Variants in EDARADD observed in about 807,000 individuals in gnomAD.
EDARADD encodes the protein ectodysplasin-A receptor-associated adapter protein.
In EDARADD, 20 loss-of-function variants were observed where a neutral mutation model predicts 25.6. The ratio of observed to expected loss-of-function variants is 0.78; its 90% CI spans 0.55 to 1.14. The LOEUF (loss-of-function observed/expected upper bound fraction) is 1.14, where lower values mean the gene tolerates loss of function less well. Among genes scored for constraint, EDARADD ranks in the 50% most tolerant of loss-of-function variants. EDARADD has a pLI of 0.00. For synonymous variants in EDARADD, 86 were observed against 94.4 expected, an observed-to-expected ratio of 0.91 and a Z score of 0.52; for missense variants, 225 against 270.1, an observed-to-expected ratio of 0.83 and a Z score of 1.17.
chr1:236,455,921 C>G (rs1658848308), intron 4 of EDARADD, among the ~76,000 whole-genome samples: 1 of 152,136 alleles, frequency 6.6e-6, no homozygotes, highest in Non-Finnish European at 1.5e-5. Flanking sequence ...TCCTGAATAG[C>G]TGGGACTACA....
intron 1 of EDARADD, among the ~76,000 whole-genome samples, chr1:236,403,581 C>T (rs917566433): frequency 2.1e-4 from 32 of 152,218 alleles, no homozygotes; most frequent in Non-Finnish European, 2.9e-5. Flanking sequence ...GCCACCACGC[C>T]CAGCCTAGAG....
intron 4 of EDARADD, among the ~76,000 whole-genome samples, chr1:236,439,538 G>A (rs1251388416): frequency 6.6e-6 from 1 of 152,184 alleles, no homozygotes; most frequent in Admixed American, 6.5e-5. Context: ...CTGGATTTTA[G>A]CTATTGTAAT....
chr1:236,404,653 A>G (rs1229632508), intron 1 of EDARADD, among the ~76,000 whole-genome samples: 1 of 152,156 alleles, frequency 6.6e-6, no homozygotes, highest in African/African-American at 2.4e-5. Context: ...TCCCCCATAC[A>G]TTAGCTGGGC....
At chr1:236,413,099 G>A (rs1361525893) in intron 2 of EDARADD, among the ~76,000 whole-genome samples, 1 of 152,142 alleles carries the variant, frequency 6.6e-6, no homozygotes, top group Admixed American at 6.5e-5. Flanking sequence ...TCTGATCTCA[G>A]GTGATCTGCC....
At chr1:236,407,720 C>G (rs1360340260) in intron 1 of EDARADD, among the ~76,000 whole-genome samples, 1 of 152,106 alleles carries the variant, frequency 6.6e-6, no homozygotes, top group Non-Finnish European at 1.5e-5. Flanking sequence ...GGATCCCACG[C>G]AAAAAGATTT....
chr1:236,397,290 G>A (rs1667534173), intron 1 of EDARADD, among the ~76,000 whole-genome samples: 1 of 152,008 alleles, frequency 6.6e-6, no homozygotes, highest in African/African-American at 2.4e-5. Context: ...CATACCTATA[G>A]TCCCAGCTAC....
chr1:236,356,044 C>T (rs1477457560), intron 3 of EDARADD, among the ~76,000 whole-genome samples: 2 of 152,282 alleles, frequency 1.3e-5, no homozygotes, highest in East Asian at 3.9e-4. Context: ...TGTCTGCCTG[C>T]AGCATCTTAT....
intron 3 of EDARADD, 27 bp from the exon 4 acceptor site, chr1:236,427,365 T>C: frequency 6.2e-7 from 1 of 1,604,082 alleles, no homozygotes; most frequent in Non-Finnish European, 8.5e-7. Context: ...CTTTGTTTCT[T>C]TCTTTCTTTC....
At chr1:236,384,530 C>T (rs879829360) in intron 3 of EDARADD, among the ~76,000 whole-genome samples, 2 of 152,182 alleles carry the variant, frequency 1.3e-5, no homozygotes, top group African/African-American at 4.8e-5. Flanking sequence ...AGCCTGACTA[C>T]AGGTGCATGC....
intron 2 of EDARADD, among the ~76,000 whole-genome samples, chr1:236,412,019 A>G (rs1657500499): frequency 2.6e-5 from 4 of 152,180 alleles, no homozygotes; most frequent in Admixed American, 1.3e-4. Context: ...TTCAACCCAC[A>G]GTATTCCCGC....
intron 3 of EDARADD, among the ~76,000 whole-genome samples, chr1:236,422,530 T>C (rs653545): frequency 0.57 from 86,368 of 152,074 alleles, 26,944 homozygotes; most frequent in Non-Finnish European, 0.7. Flanking sequence ...TGCCTGAAGT[T>C]TGGCCAGTTT....
Position 236,464,423 on chromosome 1 carries a change from CTTTTTTTTTTT to C in EDARADD, c.220-3791_220-3781del, listed in dbSNP as rs35064410. On this transcript the variant is annotated intron_variant, in intron 4 of 5. Transcript: ENST00000334232. ...CCACCATGCGTGGTCCTTGCTGCAA[CTTTTTTTTTTT>C]TTTTTTTTTTTTTTTTGAGACAGAA... is the stretch of plus-strand genomic sequence containing the variant. Among the ~76,000 whole-genome samples, 24 of 72,982 alleles carry C rather than the reference CTTTTTTTTTTT, an allele frequency of 3.3e-4. 1 individual carries two copies. The highest frequency in any genetic ancestry group is 7.1e-4 in the African/African-American group (15 of 21,122). The allele number at this position is 72,982 out of a possible 152,430, so 47.9% of individuals were successfully genotyped here.
chr1:236,434,534 C>T (rs951718756), intron 4 of EDARADD, among the ~76,000 whole-genome samples: 1 of 152,190 alleles, frequency 6.6e-6, no homozygotes, highest in Non-Finnish European at 1.5e-5. Context: ...GCCACTGTGC[C>T]TGGCCTTTTT....
At position 236,423,686 on chromosome 1, in the gene EDARADD, G is replaced by T. The variant is rs79764203; in HGVS notation, c.161-3706G>T. 7.3e-3 allele frequency among the ~76,000 whole-genome samples: 1,112 copies of T among 152,292 alleles called. 16 individuals carry two copies. The highest frequency in any genetic ancestry group is 0.026 in the African/African-American group (1,064 of 41,554). ...AGACTATTGAGATAGTCACTGAACA[G>T]AACATATTAGGCAAATCTGTAATAG... On this transcript the variant is annotated intron_variant, in intron 3 of 5. Transcript: ENST00000334232.
At position 236,403,578 on chromosome 1, in the gene EDARADD, C is replaced by T. The variant is rs1367171193; in HGVS notation, c.62-5638C>T. On this transcript the variant is annotated intron_variant, in intron 1 of 5. Transcript: ENST00000334232. ...CTGGGATTACAGGTGTGAGCCACCA[C>T]GCCCAGCCTAGAGCTTTGAAAGTTT... Among the ~76,000 whole-genome samples the T allele has an allele frequency of 3.3e-5, 5 of 152,300 alleles. No individual in the cohort carries two copies. The South Asian group carries it at 6.2e-4, about 19-fold the overall frequency.
At chr1:236,363,477 G>C (rs1667078575) in intron 3 of EDARADD, among the ~76,000 whole-genome samples, 1 of 151,746 alleles carries the variant, frequency 6.6e-6, no homozygotes, top group Admixed American at 6.6e-5. Flanking sequence ...AGCACTTTGG[G>C]AGGCCAAGGC....
At chr1:236,414,379 A>G in intron 3 of EDARADD, 80 bp downstream of exon 3, 1 of 1,157,002 alleles carries the variant, frequency 8.6e-7, no homozygotes, top group Non-Finnish European at 1.3e-6. Flanking sequence ...CTAATTTTTC[A>G]TTATTTAAAA....
In EDARADD at chr1:236,366,205, T is replaced by G. The variant is rs1667111275; in HGVS notation, c.-6+15366T>G. Reference sequence around the variant, plus strand: ...TGACTTTATCTTGCTGGGTGCTGGATATTTTTATATTCCTATAAATCTTCT... The same window carrying G: ...TGACTTTATCTTGCTGGGTGCTGGAGATTTTTATATTCCTATAAATCTTCT... On this transcript the variant is annotated intron_variant, in intron 3 of 7. Transcript: ENST00000439430. Among the ~76,000 whole-genome samples the G allele has an allele frequency of 2.0e-5, 3 of 152,360 alleles. No individual in the cohort carries two copies. In the South Asian group the frequency reaches 6.2e-4, roughly 32 times the overall value.
At chr1:236,399,543 G>A in intron 1 of EDARADD, among the ~76,000 whole-genome samples, 1 of 152,184 alleles carries the variant, frequency 6.6e-6, no homozygotes, top group East Asian at 1.9e-4. Context: ...AAATTCACAA[G>A]ACTGTCACAG....
Sources: gnomAD v4.1 joint callset for allele counts (sites outside exome capture counted in the v4.1 genomes callset) on GRCh38, gnomAD v4.1.1 for gene constraint, MANE v1.5 for transcripts, NCBI Gene and HGNC (gene_info 2026-07-23, HGNC 2026-07-21) for gene names.